The following CDC6 variants were observed in gnomAD, a reference collection of about 807,000 sequenced individuals.
The protein encoded by CDC6 is cell division cycle 6, also known as DNA replication factor CDC6.
Under a neutral mutation model 60.2 loss-of-function variants are expected in CDC6, and 46 were observed. The observed-to-expected ratio is 0.76, with a 90% CI of 0.60 to 0.98. The LOEUF (loss-of-function observed/expected upper bound fraction) is 0.98, where lower values mean the gene tolerates loss of function less well. Among genes scored for constraint, CDC6 ranks in the 50% least tolerant of loss-of-function variants. The pLI is 0.00. For missense variants in CDC6, 596 were observed against 652.9 expected, an observed-to-expected ratio of 0.91 and a Z score of 0.95; for synonymous variants, 210 against 233.2, an observed-to-expected ratio of 0.90 and a Z score of 0.90.
At chr17:40,294,558 A>C in intron 7 of CDC6, 55 bp downstream of exon 7, 1 of 1,527,010 alleles carries the variant, frequency 6.5e-7, no homozygotes, top group South Asian at 1.1e-5. Context: ...CTGTGCTAGG[A>C]AAATTTAACA....
At chr17:40,290,126 G>A (rs867342348) in intron 2 of CDC6, among the ~76,000 whole-genome samples, 3 of 152,122 alleles carry the variant, frequency 2.0e-5, no homozygotes, top group Admixed American at 1.3e-4. Context: ...TACTTAATAA[G>A]TCTGATCTTC....
At chr17:40,296,258 A>T (rs1021418714) in intron 8 of CDC6, among the ~76,000 whole-genome samples, 1 of 152,018 alleles carries the variant, frequency 6.6e-6, no homozygotes, top group Non-Finnish European at 1.5e-5. Flanking sequence ...ATAACTGAAG[A>T]TATCCCTTTT....
rs75597218 is a variant in CDC6, at chr17:40,300,493, A to G, written c.1250-335A>G. On this transcript the variant is annotated intron_variant, in intron 9 of 11. Transcript: ENST00000209728. ...GCCTGAGTGACAGAGATCCTGTCCC[A>G]AAAAAAAATACAGTAGTTCTCTGGT... Among the ~76,000 whole-genome samples, 156 of 150,844 alleles carry G rather than the reference A, an allele frequency of 1.0e-3. 1 individual carries two copies. Among genetic ancestry groups the G allele is most frequent in the Non-Finnish European group, 1.8e-3 (124 of 67,644 alleles).
chr17:40,301,148 A>T, intron 10 of CDC6, 118 bp downstream of exon 10: 1 of 807,210 alleles, frequency 1.2e-6, no homozygotes, highest in East Asian at 2.5e-5. Flanking sequence ...ATGGATTTTA[A>T]CAGTAAGAAT....
chr17:40,292,344 AAG>A (rs1248457094), intron 4 of CDC6, among the ~76,000 whole-genome samples: 5 of 150,974 alleles, frequency 3.3e-5, no homozygotes, highest in Non-Finnish European at 5.9e-5. Flanking sequence ...TTAGTTAAGA[AAG>A]AGGGCTAGGC....
rs1364671526 is a variant in CDC6 at position 40,302,211 on chromosome 17, C to T, written c.*210C>T. On this transcript the variant is annotated 3_prime_UTR_variant, in exon 12 of 12. Coordinates refer to ENST00000209728, the MANE Select transcript of CDC6 (RefSeq NM_001254.4). ...TTACCCATAAAAGTGACCAGGTAGA[C>T]CCTTTTTAATTACATTCACTACTTC... is the stretch of plus-strand genomic sequence containing the variant. 1.8e-6 allele frequency: 1 copy of T among 566,982 alleles called. No individual in the cohort carries two copies. The highest frequency in any genetic ancestry group is 3.1e-5 in the Admixed American group (1 of 32,300). 35.1% of individuals were successfully genotyped at this position (566,982 alleles called of 1,614,324 possible). A position where few individuals can be genotyped will look rare whatever the true frequency, so the allele number is the denominator to read the frequency against.
chr17:40,288,376 C>G (rs934791480), intron 1 of CDC6, among the ~76,000 whole-genome samples: 10 of 151,108 alleles, frequency 6.6e-5, no homozygotes, highest in Non-Finnish European at 1.0e-4. Context: ...CCCCGCGTGC[C>G]TGGAGGGAGG....
At chr17:40,297,089 T>A (rs1244300072) in intron 9 of CDC6, among the ~76,000 whole-genome samples, 3 of 152,164 alleles carry the variant, frequency 2.0e-5, no homozygotes, top group Admixed American at 6.5e-5. Context: ...TGCGTGCACT[T>A]TAGGTCTCAA....
At chr17:40,300,687 G>A in intron 9 of CDC6, 141 bp from the exon 10 acceptor site, 1 of 761,032 alleles carries the variant, frequency 1.3e-6, no homozygotes, top group Non-Finnish European at 2.4e-6. Flanking sequence ...CCTCTGGTTA[G>A]AGATTTAAAA....
intron 9 of CDC6, among the ~76,000 whole-genome samples, chr17:40,300,295 T>C (rs1248084828): frequency 1.3e-5 from 2 of 152,110 alleles, no homozygotes; most frequent in African/African-American, 4.8e-5. Context: ...CCAAGCACAG[T>C]CACCATCTTT....
At chr17:40,296,903 G>A (rs139515158) in intron 9 of CDC6, 136 bp downstream of exon 9, 32 of 731,746 alleles carry the variant, frequency 4.4e-5, no homozygotes, top group Middle Eastern at 3.5e-4. Flanking sequence ...TTTTTAGTCC[G>A]TTTCGTCTAC....
At position 40,302,403 on chromosome 17, in the gene CDC6, G is replaced by T; in HGVS notation, c.*402G>T. ...CGCGTCTCACCCTGTTGCCCAGGCTGGAGTGCAATGGCGCGTTCTCTGCTC... is the reference window on the plus strand; with the variant it reads ...CGCGTCTCACCCTGTTGCCCAGGCTTGAGTGCAATGGCGCGTTCTCTGCTC... On this transcript the variant is annotated 3_prime_UTR_variant, in exon 12 of 12. Coordinates refer to ENST00000209728, the MANE Select transcript of CDC6 (RefSeq NM_001254.4). 4.3e-6 allele frequency: 1 copy of T among 232,134 alleles called. No individual in the cohort carries two copies. Among genetic ancestry groups the T allele is most frequent in the Non-Finnish European group, 8.5e-6 (1 of 117,022 alleles). 14.4% of individuals were successfully genotyped at this position (232,134 alleles called of 1,614,324 possible). A position where few individuals can be genotyped will look rare whatever the true frequency, so the allele number is the denominator to read the frequency against.
At chr17:40,299,502 T>A (rs1567736733) in intron 9 of CDC6, among the ~76,000 whole-genome samples, 1 of 151,574 alleles carries the variant, frequency 6.6e-6, no homozygotes, top group Non-Finnish European at 1.5e-5. Context: ...CACTTAGAAG[T>A]GAGAACATGT....
rs1341723256 is a variant in CDC6, at chr17:40,290,600, A to G, written c.179-458A>G. ...ATGGGGGATACATTCCAAGACCCCC[A>G]GTGGACGCCTGCAATCGAGGACAGT... is the stretch of plus-strand genomic sequence containing the variant. On this transcript the variant is annotated intron_variant, in intron 2 of 11. Coordinates refer to ENST00000209728, the MANE Select transcript of CDC6 (RefSeq NM_001254.4). Among the ~76,000 whole-genome samples, 3 of 152,208 alleles carry G rather than the reference A, an allele frequency of 2.0e-5. No individual in the cohort carries two copies. In the East Asian group the frequency reaches 5.8e-4, roughly 29 times the overall value.
chr17:40,295,616 T>C, intron 8 of CDC6, 160 bp downstream of exon 8: 1 of 637,822 alleles, frequency 1.6e-6, no homozygotes, highest in South Asian at 1.8e-5. Flanking sequence ...GAGCTCTGGA[T>C]TTCCACCGTG....
chr17:40,288,819 C>A (rs1279832479), intron 1 of CDC6, among the ~76,000 whole-genome samples: 2 of 152,194 alleles, frequency 1.3e-5, no homozygotes, highest in Admixed American at 6.5e-5. Context: ...CCGTCTCGGC[C>A]TCCCAAAGTG....
rs764069287 is a variant in CDC6, at chr17:40,302,260, A to G, written c.*259A>G. 8 of 488,996 alleles carry G rather than the reference A, an allele frequency of 1.6e-5. No individual in the cohort carries two copies. The highest frequency in any genetic ancestry group is 2.1e-5 in the South Asian group (1 of 46,824). 30.3% of individuals were successfully genotyped at this position (488,996 alleles called of 1,614,324 possible). On this transcript the variant is annotated 3_prime_UTR_variant, in exon 12 of 12. Transcript: ENST00000209728. ...TCTACCACTTGTGTATCTCTAGCCA[A>G]TGTGCTTGCAAGTGTACAGATCTGT...
chr17:40,295,488 A>T lies in CDC6; in HGVS notation c.1184+32A>T, dbSNP rs765153748. 22 of 191,516 alleles carry T rather than the reference A, an allele frequency of 1.1e-4. No homozygotes were observed. The South Asian group carries it at 1.5e-3, about 13-fold the overall frequency. 11.9% of individuals were successfully genotyped at this position (191,516 alleles called of 1,614,324 possible). On this transcript the variant is annotated intron_variant, in intron 8 of 11. Coordinates refer to ENST00000209728, the MANE Select transcript of CDC6 (RefSeq NM_001254.4). ...TACGGCTCTGTTGCATTCTTTTATT[A>T]AAAAAAAAAAAAAAGAAATGCTGTT...
At position 40,294,010 on chromosome 17, in the gene CDC6, G is replaced by C; in HGVS notation, c.897G>C (p.Thr299=). Reference sequence around the variant, plus strand: ...GCAAAGGCCAGGATGTATTGTACACGCTATTTGAATGGCCATGGCTAAGCA... The same window carrying C: ...GCAAAGGCCAGGATGTATTGTACACCCTATTTGAATGGCCATGGCTAAGCA... ...LDSKGQDVLY[T]LFEWPWLSNS... The change falls in exon 6 of 12, where the codon ACG becomes ACC. Residue 299 remains threonine, a synonymous_variant. Coordinates refer to ENST00000209728, the MANE Select transcript of CDC6 (RefSeq NM_001254.4). 1 of 1,614,074 alleles carries C rather than the reference G, an allele frequency of 6.2e-7. No homozygotes were observed. The highest frequency in any genetic ancestry group is 8.5e-7 in the Non-Finnish European group (1 of 1,179,938).
Sources: gnomAD v4.1 joint callset for allele counts (sites outside exome capture counted in the v4.1 genomes callset) on GRCh38, gnomAD v4.1.1 for gene constraint, MANE v1.5 for transcripts, NCBI Gene and HGNC (gene_info 2026-07-23, HGNC 2026-07-21) for gene names.